Variants in BLM observed in about 807,000 individuals in gnomAD.
BLM encodes the protein recQ-like DNA helicase BLM.
In BLM, 95 loss-of-function variants were observed where a neutral mutation model predicts 135.3. The observed-to-expected ratio is 0.70, with a 90% CI of 0.59 to 0.83. The LOEUF is 0.83. Among genes scored for constraint, BLM ranks in the 40% least tolerant of loss-of-function variants. BLM has a pLI of 0.00. For synonymous variants in BLM, 520 were observed against 589.2 expected (o/e 0.88, Z 1.70); for missense variants, 1,518 against 1,663.9 (o/e 0.91, Z 1.53).
intron 12 of BLM, among the ~76,000 whole-genome samples, chr15:90,777,288 ATTACAG>A (rs1896504121): frequency 6.6e-6 from 1 of 152,026 alleles, no homozygotes; most frequent in South Asian, 2.1e-4. Context: ...AGTAGCTGGG[ATTACAG>A]GCGCCCGCCA....
At chr15:90,754,959 A>C (rs779457881) in intron 5 of BLM, 21 bp downstream of exon 5, 1 of 1,612,838 alleles carries the variant, frequency 6.2e-7, no homozygotes, top group African/African-American at 1.3e-5. Flanking sequence ...TATTTTAGAC[A>C]TACCATGTAT....
At chr15:90,801,301 G>A (rs1373622261) in intron 17 of BLM, among the ~76,000 whole-genome samples, 1 of 152,090 alleles carries the variant, frequency 6.6e-6, no homozygotes, top group Non-Finnish European at 1.5e-5. Context: ...TGTAAACAAC[G>A]ATTGAAATCA....
At chr15:90,798,366 T>G (rs1567060365) in intron 17 of BLM, 29 bp downstream of exon 17, 1 of 1,607,434 alleles carries the variant, frequency 6.2e-7, no homozygotes. Flanking sequence ...ATGTTTGAGT[T>G]ACTTCAATTG....
intron 1 of BLM, among the ~76,000 whole-genome samples, chr15:90,724,537 A>G (rs1470827837): frequency 3.9e-5 from 6 of 152,020 alleles, no homozygotes; most frequent in Non-Finnish European, 7.4e-5. Flanking sequence ...GCAGACCCCA[A>G]ATGTTAAGTC....
chr15:90,754,995 C>T (rs976529989), intron 5 of BLM, 57 bp downstream of exon 5: 55 of 1,590,784 alleles, frequency 3.5e-5, no homozygotes, highest in African/African-American at 4.0e-5. Context: ...TTGAAAACAA[C>T]GTAACACAAA....
In BLM at chr15:90,803,672, T is replaced by C. The variant is rs771325448; in HGVS notation, c.3510T>C (p.Tyr1170=). ...ATGCCAATGACCAGGCGATCGCTTA[T>C]GTGATGCTCGGAAATAAAGCCCAAA... The part of the protein sequence containing the change: ...YINANDQAIA[Y]VMLGNKAQTV... The change falls in exon 18 of 22, where the codon TAT becomes TAC. Residue 1170 remains tyrosine (Y), a synonymous_variant. Transcript: ENST00000355112. 1 of 1,614,082 alleles carries C rather than the reference T, an allele frequency of 6.2e-7. No individual in the cohort carries two copies. The highest frequency in any genetic ancestry group is 1.3e-5 in the African/African-American group (1 of 74,946).
At chr15:90,746,215 A>C (rs143905284) in intron 1 of BLM, among the ~76,000 whole-genome samples, 1 of 152,220 alleles carries the variant, frequency 6.6e-6, no homozygotes, top group Admixed American at 6.5e-5. Flanking sequence ...TAGCTGAAAC[A>C]ATATTGGATG....
chr15:90,765,207 C>A, intron 8 of BLM, 89 bp from the exon 9 acceptor site: 2 of 1,037,706 alleles, frequency 1.9e-6, no homozygotes, highest in Non-Finnish European at 1.5e-6. Flanking sequence ...GCCTTGGTGT[C>A]CTATTAATGA....
intron 16 of BLM, among the ~76,000 whole-genome samples, chr15:90,794,722 C>A: frequency 6.8e-6 from 1 of 147,904 alleles, no homozygotes; most frequent in Non-Finnish European, 1.5e-5. Context: ...TAATATAATA[C>A]ATTATATTAA....
rs530219766 is a variant in BLM, at chr15:90,774,807, C to CA, written c.2555+5238dup. Among the ~76,000 whole-genome samples, 717 of 114,524 alleles carry CA rather than the reference C, an allele frequency of 6.3e-3. 1 individual carries two copies. Among genetic ancestry groups the CA allele is most frequent in the South Asian group, 6.4e-3 (21 of 3,306 alleles). 75.1% of individuals were successfully genotyped at this position (114,524 alleles called of 152,430 possible). On this transcript the variant is annotated intron_variant, in intron 12 of 21. Transcript: ENST00000355112. The stretch of plus-strand genomic sequence containing the variant: ...CGAGATCATGCCACTACACTCCAGC[C>CA]AAAAAAAAAAAAAAAAAGTACAGGT...
chr15:90,805,320 A>C (rs1366978574), intron 19 of BLM, among the ~76,000 whole-genome samples: 2 of 152,114 alleles, frequency 1.3e-5, no homozygotes, highest in African/African-American at 4.8e-5. Context: ...AAATACATAT[A>C]ATCAAAGTAA....
At chr15:90,731,750 GAACA>G (rs1439942327) in intron 1 of BLM, among the ~76,000 whole-genome samples, 2 of 151,828 alleles carry the variant, frequency 1.3e-5, no homozygotes, top group Non-Finnish European at 2.9e-5. Flanking sequence ...TCTTTTTACA[GAACA>G]AACTTGGTTT....
intron 5 of BLM, among the ~76,000 whole-genome samples, chr15:90,756,959 G>C (rs897883074): frequency 4.6e-5 from 7 of 152,152 alleles, no homozygotes; most frequent in Non-Finnish European, 1.0e-4. Flanking sequence ...ACCTTGCTGG[G>C]TAGTTGTCAG....
intron 1 of BLM, among the ~76,000 whole-genome samples, chr15:90,745,945 T>C (rs1211306818): frequency 6.6e-6 from 1 of 151,940 alleles, no homozygotes; most frequent in Non-Finnish European, 1.5e-5. Flanking sequence ...GTTGTGGTAG[T>C]GTACACCTGT....
At chr15:90,799,626 T>TAAAAAAAAAAAAAAAAAAAAAAAAAAA (rs10600094) in intron 17 of BLM, among the ~76,000 whole-genome samples, 1 of 108,748 alleles carries the variant, frequency 9.2e-6, no homozygotes, top group Non-Finnish European at 1.8e-5. Flanking sequence ...AAGATGCCTG[T>TAAAAAAAAAAAAAAAAAAAAAAAAAAA]AAAAAAAAAA....
At chr15:90,722,914 C>T (rs945273330) in intron 1 of BLM, among the ~76,000 whole-genome samples, 2 of 152,120 alleles carry the variant, frequency 1.3e-5, no homozygotes, top group Non-Finnish European at 2.9e-5. Context: ...GATCTCGGCT[C>T]ACTGCAACCT....
intron 5 of BLM, among the ~76,000 whole-genome samples, chr15:90,757,266 A>G (rs889121928): frequency 5.9e-5 from 9 of 152,080 alleles, no homozygotes; most frequent in African/African-American, 2.2e-4. Flanking sequence ...CTCACTTTCC[A>G]TCAGTTCTCT....
chr15:90,773,369 A>G lies in BLM; in HGVS notation c.2555+3783A>G, dbSNP rs548872613. 2.9e-4 allele frequency among the ~76,000 whole-genome samples: 44 copies of G among 152,172 alleles called. 1 individual carries two copies. Among genetic ancestry groups the G allele is most frequent in the Admixed American group, 2.4e-3 (36 of 15,270 alleles). The stretch of plus-strand genomic sequence containing the variant: ...TGGGAGGCGGAGGTTGCAGTGATCC[A>G]AGATCATACGACTGCACTCCAGCCT... On this transcript the variant is annotated intron_variant, in intron 12 of 21. Coordinates refer to ENST00000355112, the MANE Select transcript of BLM (RefSeq NM_000057.4).
chr15:90,799,877 A>G (rs963820672), intron 17 of BLM, among the ~76,000 whole-genome samples: 1 of 152,142 alleles, frequency 6.6e-6, no homozygotes. Context: ...ATACCATCTT[A>G]ATAGAGGAAG....
Sources: gnomAD v4.1 joint callset for allele counts (sites outside exome capture counted in the v4.1 genomes callset) on GRCh38, gnomAD v4.1.1 for gene constraint, MANE v1.5 for transcripts, NCBI Gene and HGNC (gene_info 2026-07-23, HGNC 2026-07-21) for gene names.